The following ADGRG3 variants were observed in gnomAD, a reference collection of about 807,000 sequenced individuals.
The protein encoded by ADGRG3 is adhesion G protein-coupled receptor G3, also known as G protein-coupled receptor 97.
A neutral mutation model predicts 54.3 loss-of-function variants in ADGRG3; 39 were observed. The ratio of observed to expected loss-of-function variants is 0.72; its 90% CI spans 0.56 to 0.94. ADGRG3 has a LOEUF of 0.94. ADGRG3 is among the 40% of genes least tolerant of loss of function. ADGRG3 has a pLI of 0.00. For synonymous variants in ADGRG3, 312 were observed against 290.0 expected (o/e 1.08, Z -0.77); for missense variants, 654 against 694.6 (o/e 0.94, Z 0.66).
rs866477766 is a variant in ADGRG3, at chr16:57,684,071, C to T, written c.1021C>T (p.Arg341Trp). Reference protein sequence around the residue: ...SKGSDAACWARGAVFHYFLLC... With the variant: ...SKGSDAACWAWGAVFHYFLLC... The stretch of plus-strand genomic sequence containing the variant: ...GGGGTCTGATGCTGCCTGCTGGGCC[C>T]GGGGGGCTGTCTTCCACTACTTCCT... Residue 341 changes from arginine to tryptophan, a missense_variant, in exon 9 of 12, where the codon CGG becomes TGG. Transcript: ENST00000333493. 30 of 1,613,870 alleles carry T rather than the reference C, an allele frequency of 1.9e-5. No individual in the cohort carries two copies. Among genetic ancestry groups the T allele is most frequent in the African/African-American group, 4.0e-5 (3 of 74,868 alleles).
At chr16:57,670,861 G>A (rs2148693100) in intron 1 of ADGRG3, among the ~76,000 whole-genome samples, 1 of 152,178 alleles carries the variant, frequency 6.6e-6, no homozygotes, top group Admixed American at 6.5e-5. Flanking sequence ...TAAAAAATGT[G>A]ACAGTAATAC....
intron 2 of ADGRG3, 28 bp downstream of exon 2, chr16:57,673,496 G>A: frequency 6.3e-7 from 1 of 1,583,512 alleles, no homozygotes; most frequent in East Asian, 2.3e-5. Context: ...GCTGGAGGGG[G>A]AATCTGAAGC....
At chr16:57,682,298 G>A (rs981349759) in intron 8 of ADGRG3, among the ~76,000 whole-genome samples, 1 of 152,136 alleles carries the variant, frequency 6.6e-6, no homozygotes, top group South Asian at 2.1e-4. Context: ...GCCTCCTGGG[G>A]GTCCCTGGGG....
At chr16:57,671,654 G>A (rs2048163556) in intron 1 of ADGRG3, among the ~76,000 whole-genome samples, 1 of 152,092 alleles carries the variant, frequency 6.6e-6, no homozygotes, top group Non-Finnish European at 1.5e-5. Flanking sequence ...GTGTTTTAAA[G>A]CACATACAGT....
Position 57,678,240 on chromosome 16 carries a change from G to A in ADGRG3, c.416G>A (p.Arg139Gln), listed in dbSNP as rs757693632. Residue 139 changes from arginine to glutamine, a missense_variant, in exon 4 of 12, where the codon CGA (arginine) becomes CAA (glutamine). Transcript: ENST00000333493. ...DRVRLPKSLFRSLPGNRSVVR... is the reference protein window; with the variant it reads ...DRVRLPKSLFQSLPGNRSVVR... ...GTGCGACTTCCCAAGAGCCTTTTTC[G>A]ATCCCTGCCAGGCAACAGGTCTGTG... 1.6e-5 allele frequency: 26 copies of A among 1,614,034 alleles called. No homozygotes were observed. The highest frequency in any genetic ancestry group is 9.3e-5 in the African/African-American group (7 of 74,910).
At chr16:57,688,261 G>C in intron 11 of ADGRG3, 91 bp from the exon 12 acceptor site, 1 of 807,136 alleles carries the variant, frequency 1.2e-6, no homozygotes. Flanking sequence ...GGTTACGGTG[G>C]GTCTCCTCCC....
Position 57,689,314 on chromosome 16 carries a change from T to A in ADGRG3, c.*853T>A, listed in dbSNP as rs1198643490. The A allele has an allele frequency of 6.3e-6, 1 of 158,154 alleles. No individual in the cohort carries two copies. Among genetic ancestry groups the A allele is most frequent in the Non-Finnish European group, 1.4e-5 (1 of 71,746 alleles). The allele number at this position is 158,154 out of a possible 1,614,324, so 9.8% of individuals were successfully genotyped here. ...GGACCTGGGTGGCCTCGCTTACTGT[T>A]CCAGCCCAGGCCAAGCACAGGGTCT... On this transcript the variant is annotated 3_prime_UTR_variant, in exon 12 of 12. Transcript: ENST00000333493.
At position 57,685,846 on chromosome 16, in the gene ADGRG3, G is replaced by A; in HGVS notation, c.1460G>A (p.Gly487Asp). Residue 487 changes from glycine (G) to aspartate (D), a missense_variant, in exon 11 of 12, where the codon GGT becomes GAT. Transcript: ENST00000333493. The stretch of plus-strand genomic sequence containing the variant: ...CTGCTGGGCCTCTCGAGCCTGGTGG[G>A]TGTGACATGGGGGTTGGCCATCTTC... Reference protein sequence around the residue: ...LTLLGLSSLVGVTWGLAIFTP... With the variant: ...LTLLGLSSLVDVTWGLAIFTP... 6.2e-7 allele frequency: 1 copy of A among 1,614,148 alleles called. No individual in the cohort carries two copies. The highest frequency in any genetic ancestry group is 8.5e-7 in the Non-Finnish European group (1 of 1,180,032).
At chr16:57,669,107 G>A (rs2048104532) in intron 1 of ADGRG3, among the ~76,000 whole-genome samples, 1 of 152,118 alleles carries the variant, frequency 6.6e-6, no homozygotes, top group African/African-American at 2.4e-5. Flanking sequence ...TGGCGTCTTA[G>A]CAACCCTCTC....
rs527577959 is a variant in ADGRG3 at position 57,673,432 on chromosome 16, C to T, written c.170C>T (p.Ser57Leu). 2.4e-5 allele frequency: 38 copies of T among 1,611,576 alleles called. No individual in the cohort carries two copies. Among genetic ancestry groups the T allele is most frequent in the Middle Eastern group, 3.3e-4 (2 of 6,050 alleles). ...TTGTGCTTCACCAAGTGCAGGCAGT[C>T]GGGCAGCGACTCCTGCAATGTGGAA... Reference protein sequence around the residue: ...KALCFTKCRQSGSDSCNVENL... With the variant: ...KALCFTKCRQLGSDSCNVENL... Residue 57 changes from serine to leucine, a missense_variant, in exon 2 of 12, where the codon TCG (serine) becomes TTG (leucine). Physicochemically the swap from Ser to Leu is moderately radical, Grantham distance 145 (BLOSUM62 -2). Transcript: ENST00000333493.
At chr16:57,685,506 C>G in intron 10 of ADGRG3, 137 bp from the exon 11 acceptor site, 1 of 804,994 alleles carries the variant, frequency 1.2e-6, no homozygotes. Flanking sequence ...GCCCCTCCCA[C>G]AGCGGGAGAG....
chr16:57,684,923 G>T (rs1207297147), intron 10 of ADGRG3, among the ~76,000 whole-genome samples: 1 of 152,226 alleles, frequency 6.6e-6, no homozygotes, highest in Non-Finnish European at 1.5e-5. Flanking sequence ...GTAGCCCTGG[G>T]TCTAGTCTGG....
chr16:57,666,635 G>A (rs1380354010), upstream of ADGRG3, among the ~76,000 whole-genome samples: 3 of 152,178 alleles, frequency 2.0e-5, no homozygotes, highest in Non-Finnish European at 4.4e-5. Flanking sequence ...CTGTTTTGTT[G>A]GCCCTGGGGT....
At chr16:57,679,448 G>A in intron 5 of ADGRG3, 137 bp downstream of exon 5, 1 of 983,950 alleles carries the variant, frequency 1.0e-6, no homozygotes, top group Non-Finnish European at 1.5e-6. Flanking sequence ...AGCCATTAGG[G>A]CCATACACAT....
chr16:57,671,882 G>C (rs1444149533), intron 1 of ADGRG3, among the ~76,000 whole-genome samples: 1 of 152,238 alleles, frequency 6.6e-6, no homozygotes, highest in African/African-American at 2.4e-5. Context: ...GCTAGTCCAA[G>C]CGTGGTAGCT....
chr16:57,680,720 C>T lies in ADGRG3; in HGVS notation c.881+103C>T, dbSNP rs141560589. 1,332 of 770,282 alleles carry T rather than the reference C, an allele frequency of 1.7e-3. 16 individuals are homozygous for T. The African/African-American group carries it at 0.02, about 11-fold the overall frequency. 47.7% of individuals were successfully genotyped at this position (770,282 alleles called of 1,614,324 possible). Reference sequence around the variant, plus strand: ...GGTTGTGCAGCCTCTGACCGTTGTCCCCTCCACACGTTAGTGTCCTCATCC... The same window carrying T: ...GGTTGTGCAGCCTCTGACCGTTGTCTCCTCCACACGTTAGTGTCCTCATCC... On this transcript the variant is annotated intron_variant, in intron 8 of 11. Coordinates refer to ENST00000333493, the MANE Select transcript of ADGRG3 (RefSeq NM_170776.5).
intron 2 of ADGRG3, chr16:57,674,611 C>A (rs1001647753): frequency 7.7e-5 from 35 of 455,196 alleles, no homozygotes; most frequent in African/African-American, 6.0e-4. Context: ...CTTCTTAGCA[C>A]CCCAGAGCTG....
chr16:57,670,466 T>A (rs1384933767), intron 1 of ADGRG3, among the ~76,000 whole-genome samples: 1 of 152,026 alleles, frequency 6.6e-6, no homozygotes, highest in East Asian at 1.9e-4. Context: ...GTCCTCAAGC[T>A]GACAATGTTA....
At chr16:57,685,486 C>T (rs1483738689) in intron 10 of ADGRG3, among the ~76,000 whole-genome samples, 157 bp from the exon 11 acceptor site, 1 of 152,106 alleles carries the variant, frequency 6.6e-6, no homozygotes, top group Non-Finnish European at 1.5e-5. Flanking sequence ...CAGACTGGAG[C>T]CAGGTGACGG....
Sources: allele counts gnomAD v4.1 joint callset (sites outside exome capture counted in the v4.1 genomes callset), GRCh38; gene constraint gnomAD v4.1.1; transcripts MANE v1.5; gene names NCBI Gene and HGNC (gene_info 2026-07-23, HGNC 2026-07-21).